The following TMEM154 variants were observed in gnomAD, a reference collection of about 807,000 sequenced individuals.
TMEM154 encodes the protein transmembrane protein 154.
Under a neutral mutation model 24.5 loss-of-function variants are expected in TMEM154, and 27 were observed. The ratio of observed to expected loss-of-function variants is 1.10; its 90% CI spans 0.81 to 1.52. The LOEUF (loss-of-function observed/expected upper bound fraction) is 1.52. TMEM154 is among the 40% of genes most tolerant of loss of function. The pLI, the probability that TMEM154 is intolerant of heterozygous loss-of-function variation, is 0.00. For missense variants in TMEM154, 228 were observed against 213.4 expected (o/e 1.07, Z -0.43); for synonymous variants, 67 against 76.8 (o/e 0.87, Z 0.67).
chr4:152,628,326 G>T lies in TMEM154; in HGVS notation c.*220C>A. The T allele has an allele frequency of 1.4e-6, 1 of 737,336 alleles. No individual in the cohort carries two copies. The highest frequency in any genetic ancestry group is 2.2e-6 in the Non-Finnish European group (1 of 449,052). The allele number at this position is 737,336 out of a possible 1,614,324, so 45.7% of individuals were successfully genotyped here. A position where few individuals can be genotyped will look rare whatever the true frequency, so the allele number is the denominator to read the frequency against. On this transcript the variant is annotated 3_prime_UTR_variant, in exon 7 of 7. Transcript: ENST00000304385. ...CCACCCTCAGAGGCAGCGATGGATG[G>T]CAGCCAGGCCTTTTCCTAGTACTTC...
At chr4:152,652,057 G>A (rs560331937) in intron 3 of TMEM154, among the ~76,000 whole-genome samples, 2 of 152,322 alleles carry the variant, frequency 1.3e-5, no homozygotes, top group South Asian at 4.1e-4. Context: ...TGTCTTCTGT[G>A]AGCATGGTTT....
chr4:152,629,632 C>T (rs1214652284), intron 6 of TMEM154, among the ~76,000 whole-genome samples: 1 of 152,134 alleles, frequency 6.6e-6, no homozygotes, highest in Non-Finnish European at 1.5e-5. Flanking sequence ...TTTGAAGTGA[C>T]CTCTGCTTCC....
At chr4:152,664,484 T>A (rs927133034) in intron 1 of TMEM154, among the ~76,000 whole-genome samples, 2 of 152,164 alleles carry the variant, frequency 1.3e-5, no homozygotes, top group Non-Finnish European at 2.9e-5. Flanking sequence ...ATGGCACACA[T>A]ATACCTATGT....
At chr4:152,660,089 T>C (rs1561054313) in intron 1 of TMEM154, among the ~76,000 whole-genome samples, 1 of 152,204 alleles carries the variant, frequency 6.6e-6, no homozygotes, top group African/African-American at 2.4e-5. Context: ...AAGTCAATAA[T>C]GTATTCACAT....
Position 152,628,310 on chromosome 4 carries a change from G to T in TMEM154, c.*236C>A. On this transcript the variant is annotated 3_prime_UTR_variant, in exon 7 of 7. Coordinates refer to ENST00000304385, the MANE Select transcript of TMEM154 (RefSeq NM_152680.3). ...TCACCCGCCTCCTTCTCCACCCTCAGAGGCAGCGATGGATGGCAGCCAGGC... is the reference window on the plus strand; with the variant it reads ...TCACCCGCCTCCTTCTCCACCCTCATAGGCAGCGATGGATGGCAGCCAGGC... 1 of 666,258 alleles carries T rather than the reference G, an allele frequency of 1.5e-6. No individual in the cohort carries two copies. The highest frequency in any genetic ancestry group is 2.5e-6 in the Non-Finnish European group (1 of 394,500). The allele number at this position is 666,258 out of a possible 1,614,324, so 41.3% of individuals were successfully genotyped here.
At position 152,619,479 on chromosome 4, in the gene TMEM154, A is replaced by G. The variant is rs903742796; in HGVS notation, c.*9067T>C. 3 of 152,220 alleles carry G rather than the reference A, an allele frequency of 2.0e-5. No individual in the cohort carries two copies. The highest frequency in any genetic ancestry group is 7.2e-5 in the African/African-American group (3 of 41,450). The allele number at this position is 152,220 out of a possible 1,614,324, so 9.4% of individuals were successfully genotyped here. On this transcript the variant is annotated 3_prime_UTR_variant, in exon 7 of 7. Coordinates refer to ENST00000304385, the MANE Select transcript of TMEM154 (RefSeq NM_152680.3). ...TGGCTTTGACACGCCTCCAAGGACA[A>G]GTGGGGTTTATGTCCTTTCCACCTT...
In TMEM154 at chr4:152,627,354, A is replaced by T. The variant is rs1259715506; in HGVS notation, c.*1192T>A. On this transcript the variant is annotated 3_prime_UTR_variant, in exon 7 of 7. Transcript: ENST00000304385. ...TCTTTCTTGAAATAAAATATCAGGT[A>T]TCCAAGGAGAGCTGAGGATTCTCAA... 1 of 152,234 alleles carries T rather than the reference A, an allele frequency of 6.6e-6. No homozygotes were observed. Among genetic ancestry groups the T allele is most frequent in the East Asian group, 1.9e-4 (1 of 5,206 alleles). 9.4% of individuals were successfully genotyped at this position (152,234 alleles called of 1,614,324 possible).
chr4:152,672,757 C>T (rs1728875117), intron 1 of TMEM154, among the ~76,000 whole-genome samples: 1 of 152,186 alleles, frequency 6.6e-6, no homozygotes, highest in Admixed American at 6.5e-5. Context: ...GATGATTTAA[C>T]AAGTAACAAG....
In TMEM154 at chr4:152,619,027, C is replaced by A. The variant is rs1751806499; in HGVS notation, c.*9519G>T. Reference sequence around the variant, plus strand: ...CTAGCTCATTAAATAATTGGTTTTTCTGTTATTATGGAGCGTGCAGTAGCG... The same window carrying A: ...CTAGCTCATTAAATAATTGGTTTTTATGTTATTATGGAGCGTGCAGTAGCG... On this transcript the variant is annotated 3_prime_UTR_variant, in exon 7 of 7. Transcript: ENST00000304385. The A allele has an allele frequency of 6.6e-6, 1 of 152,144 alleles. No homozygotes were observed. The highest frequency in any genetic ancestry group is 2.4e-5 in the African/African-American group (1 of 41,428). The allele number at this position is 152,144 out of a possible 1,614,324, so 9.4% of individuals were successfully genotyped here. A position where few individuals can be genotyped will look rare whatever the true frequency, so the allele number is the denominator to read the frequency against.
rs1026676400 is a variant in TMEM154, at chr4:152,621,552, T to G, written c.*6994A>C. 7.9e-5 allele frequency: 12 copies of G among 152,206 alleles called. No individual in the cohort carries two copies. The highest frequency in any genetic ancestry group is 7.9e-4 in the Admixed American group (12 of 15,280). 9.4% of individuals were successfully genotyped at this position (152,206 alleles called of 1,614,324 possible). On this transcript the variant is annotated 3_prime_UTR_variant, in exon 7 of 7. Transcript: ENST00000304385. ...TTCTAGGGGTAGATTGATGCCATAATGGACCAGGTTTAACTTTAGTTGAGA... is the reference window on the plus strand; with the variant it reads ...TTCTAGGGGTAGATTGATGCCATAAGGGACCAGGTTTAACTTTAGTTGAGA...
chr4:152,638,023 G>A (rs189421568), intron 6 of TMEM154, among the ~76,000 whole-genome samples: 1 of 152,228 alleles, frequency 6.6e-6, no homozygotes, highest in African/African-American at 2.4e-5. Flanking sequence ...CACTTTGGGA[G>A]GCCAAGGCAG....
intron 3 of TMEM154, among the ~76,000 whole-genome samples, chr4:152,651,382 C>G (rs1405225016): frequency 1.3e-5 from 2 of 152,304 alleles, no homozygotes; most frequent in South Asian, 4.1e-4. Context: ...TTGAGTGTAG[C>G]CACCTTCATC....
At chr4:152,641,887 T>A (rs1392574865) in intron 5 of TMEM154, among the ~76,000 whole-genome samples, 1 of 142,176 alleles carries the variant, frequency 7.0e-6, no homozygotes, top group Non-Finnish European at 1.5e-5. Context: ...TTGATAAGCC[T>A]CTGGTAGCAA....
At chr4:152,650,026 G>T (rs141883233) in intron 3 of TMEM154, among the ~76,000 whole-genome samples, 10 of 152,096 alleles carry the variant, frequency 6.6e-5, no homozygotes, top group Non-Finnish European at 2.9e-5. Flanking sequence ...TGAGCCTTCC[G>T]CAAGTTGTAA....
Position 152,669,582 on chromosome 4 carries a change from ATTTG to A in TMEM154, c.64+10284_64+10287del, listed in dbSNP as rs1479539577. On this transcript the variant is annotated intron_variant, in intron 1 of 6. Coordinates refer to ENST00000304385, the MANE Select transcript of TMEM154 (RefSeq NM_152680.3). ...ATTTAACTGGTTGTCCTATATTTTTATTTGTTAAATGTGGCAATCTTAATCATAA... is the reference window on the plus strand; with the variant it reads ...ATTTAACTGGTTGTCCTATATTTTTATTAAATGTGGCAATCTTAATCATAA... 6 of 152,224 alleles carry A rather than the reference ATTTG, an allele frequency of 3.9e-5. No homozygotes were observed. The East Asian group carries it at 1.2e-3, about 29-fold the overall frequency. 9.4% of individuals were successfully genotyped at this position (152,224 alleles called of 1,614,324 possible).
At position 152,618,911 on chromosome 4, in the gene TMEM154, G is replaced by A. The variant is rs1260952795; in HGVS notation, c.*9635C>T. 1 of 152,218 alleles carries A rather than the reference G, an allele frequency of 6.6e-6. No homozygotes were observed. The highest frequency in any genetic ancestry group is 1.5e-5 in the Non-Finnish European group (1 of 68,042). 9.4% of individuals were successfully genotyped at this position (152,218 alleles called of 1,614,324 possible). Reference sequence around the variant, plus strand: ...AAACCAGGAAACTTGGGAGAAAATGGTGATGGAAGATGAACAATACCATAT... The same window carrying A: ...AAACCAGGAAACTTGGGAGAAAATGATGATGGAAGATGAACAATACCATAT... On this transcript the variant is annotated 3_prime_UTR_variant, in exon 7 of 7. Transcript: ENST00000304385.
intron 1 of TMEM154, among the ~76,000 whole-genome samples, chr4:152,663,792 A>G (rs2149788245): frequency 6.6e-6 from 1 of 152,386 alleles, no homozygotes; most frequent in South Asian, 2.1e-4. Context: ...AGATCACTTG[A>G]TAATAAACTG....
intron 6 of TMEM154, among the ~76,000 whole-genome samples, chr4:152,629,230 G>A (rs531444305): frequency 3.5e-4 from 53 of 152,296 alleles, no homozygotes; most frequent in Non-Finnish European, 4.0e-4. Flanking sequence ...CTACGAATAC[G>A]TGCCAAATTG....
intron 1 of TMEM154, among the ~76,000 whole-genome samples, chr4:152,663,557 T>A (rs1316629050): frequency 6.6e-6 from 1 of 152,242 alleles, no homozygotes; most frequent in African/African-American, 2.4e-5. Context: ...GGTAGCCTCA[T>A]AAGCTGCAGA....
Sources: allele counts gnomAD v4.1 joint callset (sites outside exome capture counted in the v4.1 genomes callset), GRCh38; gene constraint gnomAD v4.1.1; transcripts MANE v1.5; gene names NCBI Gene and HGNC (gene_info 2026-07-23, HGNC 2026-07-21).